The following TGFBI variants were observed in gnomAD, a reference collection of about 807,000 sequenced individuals.
The protein encoded by TGFBI is transforming growth factor-beta-induced protein ig-h3.
A neutral mutation model predicts 73.7 loss-of-function variants in TGFBI; 50 were observed. That is an observed-to-expected ratio of 0.68 (90% CI 0.54 to 0.86). The LOEUF (loss-of-function observed/expected upper bound fraction) is 0.86, where lower values mean the gene tolerates loss of function less well. Ranked by LOEUF, TGFBI falls within the 40% of genes least tolerant of loss-of-function variation. TGFBI has a pLI of 0.00. For missense variants in TGFBI, 839 were observed against 877.0 expected (o/e 0.96, Z 0.55); for synonymous variants, 362 against 360.5 (o/e 1.00, Z -0.05).
chr5:136,049,403 C>T, intron 6 of TGFBI, 36 bp from the exon 7 acceptor site: 1 of 1,609,064 alleles, frequency 6.2e-7, no homozygotes, highest in Non-Finnish European at 8.5e-7. Context: ...GTGCCAGAGT[C>T]TTCAGGGAGC....
intron 15 of TGFBI, 97 bp downstream of exon 15, chr5:136,061,676 C>A: frequency 1.0e-6 from 1 of 975,030 alleles, no homozygotes; most frequent in Non-Finnish European, 1.6e-6. Context: ...TCCTTGGCTG[C>A]TCCCCAGGGC....
intron 2 of TGFBI, among the ~76,000 whole-genome samples, chr5:136,039,002 G>A (rs575673973): frequency 6.6e-6 from 1 of 152,274 alleles, no homozygotes; most frequent in African/African-American, 2.4e-5. Flanking sequence ...GAAAGCAATG[G>A]GAAGCCAACA....
chr5:136,058,118 G>A (rs1455630982), intron 12 of TGFBI, among the ~76,000 whole-genome samples: 1 of 152,138 alleles, frequency 6.6e-6, no homozygotes, highest in Non-Finnish European at 1.5e-5. Context: ...GTGTGGCTCT[G>A]TACTTCCAGG....
chr5:136,046,106 A>G (rs1386363473), intron 3 of TGFBI: 1 of 458,852 alleles, frequency 2.2e-6, no homozygotes, highest in African/African-American at 1.9e-5. Context: ...AATGATTAAA[A>G]ATCACCAATT....
chr5:136,029,046 G>T lies in TGFBI; in HGVS notation c.-10G>T. On this transcript the variant is annotated 5_prime_UTR_variant, in exon 1 of 17. Transcript: ENST00000442011. ...GTCGCTAGCTCGCTCGGTGCGCGTC[G>T]TCCCGCTCCATGGCGCTCTTCGTGC... The T allele has an allele frequency of 6.6e-7, 1 of 1,524,930 alleles. No individual in the cohort carries two copies. The allele number at this position is 1,524,930 out of a possible 1,614,324, so 94.5% of individuals were successfully genotyped here. A position where few individuals can be genotyped will look rare whatever the true frequency, so the allele number is the denominator to read the frequency against.
In TGFBI at chr5:136,062,656, C is replaced by A. The variant is rs1157417559; in HGVS notation, c.1987-7C>A. The stretch of plus-strand genomic sequence containing the variant: ...TAGAAAACCTGACACCTTGTGTTTT[C>A]TTTCAGGCTTCCCAGAGGTCTGTGC... On this transcript the variant is annotated splice_region_variant and splice_polypyrimidine_tract_variant and intron_variant, in intron 15 of 16. Coordinates refer to ENST00000442011, the MANE Select transcript of TGFBI (RefSeq NM_000358.3). 3 of 1,563,554 alleles carry A rather than the reference C, an allele frequency of 1.9e-6. No homozygotes were observed. In the Admixed American group the frequency reaches 5.7e-5, roughly 30 times the overall value.
intron 1 of TGFBI, among the ~76,000 whole-genome samples, chr5:136,033,490 C>T (rs746048492): frequency 4.7e-4 from 72 of 152,218 alleles, no homozygotes; most frequent in South Asian, 2.1e-3. Context: ...TATCAATTGC[C>T]CATGTCAAAG....
chr5:136,054,551 A>G lies in TGFBI; in HGVS notation c.1265-165A>G. 3.1e-6 allele frequency: 3 copies of G among 980,220 alleles called. No homozygotes were observed. The Admixed American group carries it at 5.1e-5, about 17-fold the overall frequency. The allele number at this position is 980,220 out of a possible 1,614,324, so 60.7% of individuals were successfully genotyped here. A position where few individuals can be genotyped will look rare whatever the true frequency, so the allele number is the denominator to read the frequency against. On this transcript the variant is annotated intron_variant, in intron 9 of 16. Transcript: ENST00000442011. The stretch of plus-strand genomic sequence containing the variant: ...TTATCTGGATCTTCTTTAATTCTCC[A>G]TAGAAGATACCAGATGTTAAGGAAT...
Position 136,054,741 on chromosome 5 carries a change from T to C in TGFBI, c.1290T>C (p.His430=). The part of the protein sequence containing the change: ...FKDGTPPIDA[H]TRNLLRNHII... ...ATGGAACCCCTCCAATTGATGCCCA[T>C]ACAAGGAATTTGCTTCGGAACCACA... The change falls in exon 10 of 17, where the codon CAT becomes CAC. Residue 430 remains histidine, a synonymous_variant. Coordinates refer to ENST00000442011, the MANE Select transcript of TGFBI (RefSeq NM_000358.3). 1.2e-6 allele frequency: 2 copies of C among 1,613,950 alleles called. No homozygotes were observed. Among genetic ancestry groups the C allele is most frequent in the East Asian group, 2.2e-5 (1 of 44,872 alleles).
chr5:136,056,639 G>A, intron 11 of TGFBI, 26 bp from the exon 12 acceptor site: 3 of 1,613,664 alleles, frequency 1.9e-6, no homozygotes, highest in Non-Finnish European at 2.5e-6. Context: ...GTTGACAGGT[G>A]ACATTTTCTG....
intron 15 of TGFBI, among the ~76,000 whole-genome samples, chr5:136,062,302 G>A (rs1233665374): frequency 6.6e-6 from 1 of 152,058 alleles, no homozygotes; most frequent in African/African-American, 2.4e-5. Flanking sequence ...CTTTACTTTT[G>A]TACACAGGGG....
At chr5:136,040,218 C>G (rs1751305751) in intron 2 of TGFBI, among the ~76,000 whole-genome samples, 1 of 152,204 alleles carries the variant, frequency 6.6e-6, no homozygotes, top group Non-Finnish European at 1.5e-5. Flanking sequence ...CCAGACATCC[C>G]TACACATAGA....
rs1326559076 is a variant in TGFBI, at chr5:136,060,936, G to A, written c.1906G>A (p.Ala636Thr). The A allele has an allele frequency of 6.4e-7, 1 of 1,561,792 alleles. No individual in the cohort carries two copies. Among genetic ancestry groups the A allele is most frequent in the Non-Finnish European group, 8.7e-7 (1 of 1,147,326 alleles). Residue 636 changes from alanine to threonine, a missense_variant and splice_region_variant, in exon 14 of 17, where the codon GCC (alanine) becomes ACC (threonine). By Grantham distance (58) the Ala-to-Thr change is moderately conservative. Transcript: ENST00000442011. The part of the protein sequence containing the change: ...HVITNVLQPP[A>T]NRPQERGDEL... ...CATCACCAATGTTCTGCAGCCTCCAGGTAAGTGTCGCATCCCCACTGACTC... is the reference window on the plus strand; with the variant it reads ...CATCACCAATGTTCTGCAGCCTCCAAGTAAGTGTCGCATCCCCACTGACTC...
At position 136,055,810 on chromosome 5, in the gene TGFBI, G is replaced by A. The variant is rs73296968; in HGVS notation, c.1541G>A (p.Arg514His). Reference protein sequence around the residue: ...TVMDVLKGDNRFSMLVAAIQS... With the variant: ...TVMDVLKGDNHFSMLVAAIQS... ...ATGGATGTCCTGAAGGGAGACAATC[G>A]CTTTAGGTAATTAGTTCCATCCCCG... The change falls in exon 11 of 17, where the codon CGC becomes CAC. Residue 514 changes from arginine (R) to histidine (H), a missense_variant. Coordinates refer to ENST00000442011, the MANE Select transcript of TGFBI (RefSeq NM_000358.3). The A allele has an allele frequency of 5.7e-5, 91 of 1,605,920 alleles. No individual in the cohort carries two copies. The highest frequency in any genetic ancestry group is 3.9e-4 in the African/African-American group (29 of 74,958).
At position 136,052,920 on chromosome 5, in the gene TGFBI, C is replaced by A. The variant is rs1751560436; in HGVS notation, c.927C>A (p.Asn309Lys). 6.2e-7 allele frequency: 1 copy of A among 1,613,682 alleles called. No individual in the cohort carries two copies. Among genetic ancestry groups the A allele is most frequent in the African/African-American group, 1.3e-5 (1 of 74,946 alleles). ...DPEALRDLLN[N>K]HILKSAMCAE... ...TTTGGACCCCAGACCTGCTGAACAA[C>A]CACATCTTGAAGTCAGCTATGTGTG... Residue 309 changes from asparagine (N) to lysine (K), a missense_variant, in exon 8 of 17, where the codon AAC becomes AAA. Physicochemically the swap from Asn to Lys is moderately conservative, Grantham distance 94. Transcript: ENST00000442011.
chr5:136,057,090 A>C (rs1359153866), intron 12 of TGFBI, among the ~76,000 whole-genome samples: 1 of 152,142 alleles, frequency 6.6e-6, no homozygotes, highest in Non-Finnish European at 1.5e-5. Context: ...AGCCATGTGC[A>C]GCCAGCCACT....
In TGFBI at chr5:136,056,460, T is replaced by G. The variant is rs1751633292; in HGVS notation, c.1548-205T>G. 4 of 599,048 alleles carry G rather than the reference T, an allele frequency of 6.7e-6. No individual in the cohort carries two copies. In the East Asian group the frequency reaches 1.2e-4, roughly 18 times the overall value. 37.1% of individuals were successfully genotyped at this position (599,048 alleles called of 1,614,324 possible). On this transcript the variant is annotated intron_variant, in intron 11 of 16. Transcript: ENST00000442011. ...TGGCCATTTAACAGAGCTTAGCATT[T>G]TTGCTGGGTGGAGAGAGCTGGAGCC...
At chr5:136,033,950 G>C in intron 2 of TGFBI, 89 bp downstream of exon 2, 1 of 1,147,672 alleles carries the variant, frequency 8.7e-7, no homozygotes, top group Non-Finnish European at 1.3e-6. Flanking sequence ...AGAAGGTCAG[G>C]TTGCCTAAAA....
intron 15 of TGFBI, 31 bp from the exon 16 acceptor site, chr5:136,062,632 A>G (rs376838327): frequency 1.3e-6 from 2 of 1,555,904 alleles, no homozygotes; most frequent in Non-Finnish European, 1.7e-6. Flanking sequence ...AACTTTCACT[A>G]GAAAACCTGA....
Sources: gnomAD v4.1 joint callset for allele counts (sites outside exome capture counted in the v4.1 genomes callset) on GRCh38, gnomAD v4.1.1 for gene constraint, MANE v1.5 for transcripts, NCBI Gene and HGNC (gene_info 2026-07-23, HGNC 2026-07-21) for gene names.